Variants in DNAI4 observed in about 807,000 individuals in gnomAD.
The protein encoded by DNAI4 is WD repeat domain 78.
A neutral mutation model predicts 105.8 loss-of-function variants in DNAI4; 85 were observed. The ratio of observed to expected loss-of-function variants is 0.80; its 90% CI spans 0.67 to 0.96. DNAI4 has a LOEUF of 0.96. DNAI4 is among the 40% of genes least tolerant of loss of function. The probability of loss-of-function intolerance (pLI) is 0.00; values close to 1 mark genes in which losing one functional copy is unlikely to be tolerated. For missense variants in DNAI4, 1,014 were observed against 1,005.6 expected (o/e 1.01, Z -0.11); for synonymous variants, 352 against 331.5 (o/e 1.06, Z -0.67).
chr1:66,870,022 C>T (rs928227092), intron 6 of DNAI4, among the ~76,000 whole-genome samples: 1 of 152,214 alleles, frequency 6.6e-6, no homozygotes, highest in Admixed American at 6.5e-5. Context: ...TAAATGCTCT[C>T]ACCAATAAGA....
chr1:66,881,574 C>A (rs1404602071), intron 4 of DNAI4, among the ~76,000 whole-genome samples: 1 of 152,184 alleles, frequency 6.6e-6, no homozygotes, highest in Non-Finnish European at 1.5e-5. Flanking sequence ...CCATTTGGAT[C>A]AACTGTATTT....
At chr1:66,823,065 C>A (rs1479876421) in intron 15 of DNAI4, among the ~76,000 whole-genome samples, 1 of 151,630 alleles carries the variant, frequency 6.6e-6, no homozygotes, top group Non-Finnish European at 1.5e-5. Context: ...CCACTCCCCC[C>A]ACCCCACAAC....
chr1:66,893,063 GAGAAAGAAAGAAAGAA>G lies in DNAI4; in HGVS notation c.530+150_530+165del, dbSNP rs768595484. 2.7e-3 allele frequency among the ~76,000 whole-genome samples: 246 copies of G among 89,552 alleles called. 2 individuals are homozygous for G. Among genetic ancestry groups the G allele is most frequent in the Middle Eastern group, 5.3e-3 (1 of 188 alleles). The allele number at this position is 89,552 out of a possible 152,430, so 58.7% of individuals were successfully genotyped here. On this transcript the variant is annotated intron_variant, in intron 3 of 16. Transcript: ENST00000371026. ...AGAAAGAAAGAAAGAAAGAGAGAGA[GAGAAAGAAAGAAAGAA>G]AGAAAGAAAGAAAGAAAGAAAGAAA...
chr1:66,823,800 C>T lies in DNAI4; in HGVS notation c.2340-1283G>A, dbSNP rs1252827418. Among the ~76,000 whole-genome samples, 749 of 148,152 alleles carry T rather than the reference C, an allele frequency of 5.1e-3. 2 individuals carry two copies. Among genetic ancestry groups the T allele is most frequent in the African/African-American group, 0.019 (715 of 38,608 alleles). On this transcript the variant is annotated intron_variant, in intron 15 of 16. Transcript: ENST00000371026. ...ATTTGTTTGAGTTCATTGTAGATTCCGGATATTAGCCCTTTGTCAGATGAG... is the reference window on the plus strand; with the variant it reads ...ATTTGTTTGAGTTCATTGTAGATTCTGGATATTAGCCCTTTGTCAGATGAG...
In DNAI4 at chr1:66,826,822, G is replaced by A. The variant is rs142311549; in HGVS notation, c.2337C>T (p.Ser779=). ...NRVEIWDLHI[S]TLDPLIVNTA... ...ATGCAAGAAAAATAGTAACTTACGT[G>A]CTGATATGAAGGTCCCAAATCTCCA... The change falls in exon 15 of 17, where the codon AGC becomes AGT. Residue 779 remains serine, a splice_region_variant and synonymous_variant. Transcript: ENST00000371026. The A allele has an allele frequency of 6.7e-5, 108 of 1,613,280 alleles. No individual in the cohort carries two copies. The African/African-American group carries it at 1.4e-3, about 21-fold the overall frequency.
chr1:66,903,767 T>C (rs187257966), intron 2 of DNAI4, among the ~76,000 whole-genome samples: 13 of 152,290 alleles, frequency 8.5e-5, no homozygotes. Flanking sequence ...AGAGCTAGGA[T>C]TAAAGGCATA....
chr1:66,845,049 C>T (rs1271928072), intron 8 of DNAI4, among the ~76,000 whole-genome samples: 1 of 151,468 alleles, frequency 6.6e-6, no homozygotes, highest in Non-Finnish European at 1.5e-5. Context: ...AAAAATTAGC[C>T]GGGTGTGGTG....
At chr1:66,887,945 C>A (rs539468383) in intron 4 of DNAI4, among the ~76,000 whole-genome samples, 3 of 151,634 alleles carry the variant, frequency 2.0e-5, no homozygotes, top group Non-Finnish European at 4.4e-5. Flanking sequence ...GGTGACAGAG[C>A]GAGACTTTGT....
intron 6 of DNAI4, among the ~76,000 whole-genome samples, chr1:66,869,533 G>GA (rs1646798374): frequency 6.6e-6 from 1 of 151,914 alleles, no homozygotes; most frequent in South Asian, 2.1e-4. Flanking sequence ...TTAATATTTG[G>GA]AAAAAATATG....
At chr1:66,893,481 A>C (rs1648043754) in intron 2 of DNAI4, 68 bp from the exon 3 acceptor site, 2 of 1,128,546 alleles carry the variant, frequency 1.8e-6, no homozygotes, top group South Asian at 2.4e-5. Flanking sequence ...CAGCTGCTAG[A>C]AAATAGAAAC....
At chr1:66,870,680 C>G (rs1332585288) in intron 6 of DNAI4, 1 of 123,830 alleles carries the variant, frequency 8.1e-6, no homozygotes, top group Non-Finnish European at 1.6e-5. Flanking sequence ...ACCCAGGAGG[C>G]AGAGGTTGCA....
chr1:66,834,536 T>G lies in DNAI4; in HGVS notation c.1734-388A>C, dbSNP rs368452800. ...ATAAGTATTTTCATCTTTATGATGT[T>G]TCTATGAATTAAGTTGTTAATCATT... On this transcript the variant is annotated intron_variant, in intron 11 of 16. Coordinates refer to ENST00000371026, the MANE Select transcript of DNAI4 (RefSeq NM_024763.5). Among the ~76,000 whole-genome samples, 32 of 152,250 alleles carry G rather than the reference T, an allele frequency of 2.1e-4. No individual in the cohort carries two copies. In the South Asian group the frequency reaches 4.8e-3, roughly 23 times the overall value.
At chr1:66,900,227 G>A (rs1569840428) in intron 2 of DNAI4, among the ~76,000 whole-genome samples, 2 of 151,918 alleles carry the variant, frequency 1.3e-5, no homozygotes, top group East Asian at 1.9e-4. Context: ...TCTGCCTCCC[G>A]AGTAGCTGGG....
chr1:66,832,397 T>G (rs1239862270), intron 13 of DNAI4, among the ~76,000 whole-genome samples: 2 of 152,116 alleles, frequency 1.3e-5, no homozygotes, highest in East Asian at 3.8e-4. Context: ...GATGATCATA[T>G]TACATGTAAC....
intron 1 of DNAI4, among the ~76,000 whole-genome samples, chr1:66,916,873 G>T (rs1164934025): frequency 6.9e-6 from 1 of 145,978 alleles, no homozygotes; most frequent in Non-Finnish European, 1.5e-5. Context: ...CTTTCTCAAA[G>T]AATGAAGATT....
At chr1:66,836,216 G>GAAAGAAAGAA (rs1472797965) in intron 10 of DNAI4, among the ~76,000 whole-genome samples, 1 of 99,540 alleles carries the variant, frequency 1.0e-5, no homozygotes, top group Non-Finnish European at 2.1e-5. Context: ...AAGAGAGAGA[G>GAAAGAAAGAA]AGAGAGAGAG....
At chr1:66,887,295 C>G (rs1292184593) in intron 4 of DNAI4, among the ~76,000 whole-genome samples, 2 of 152,186 alleles carry the variant, frequency 1.3e-5, no homozygotes, top group Non-Finnish European at 2.9e-5. Flanking sequence ...CTCTCTAGAT[C>G]TTAAGGTGGC....
intron 2 of DNAI4, among the ~76,000 whole-genome samples, chr1:66,894,234 A>C (rs1417904810): frequency 2.0e-5 from 3 of 152,158 alleles, no homozygotes; most frequent in African/African-American, 7.2e-5. Flanking sequence ...TACTGCCCCC[A>C]AAAAACCTTC....
chr1:66,822,554 ATAT>A, intron 15 of DNAI4, 37 bp from the exon 16 acceptor site: 1 of 1,488,242 alleles, frequency 6.7e-7, no homozygotes, highest in African/African-American at 1.4e-5. Context: ...TTCAATTGTT[ATAT>A]TAATATGGTC....
Sources: gnomAD v4.1 joint callset for allele counts (sites outside exome capture counted in the v4.1 genomes callset) on GRCh38, gnomAD v4.1.1 for gene constraint, MANE v1.5 for transcripts, NCBI Gene and HGNC (gene_info 2026-07-23, HGNC 2026-07-21) for gene names.